Variants in CFAP47 observed in about 807,000 individuals in gnomAD.
CFAP47 encodes the protein cilia and flagella associated protein 47.
A neutral mutation model predicts 148.1 loss-of-function variants in CFAP47; 29 were observed. The ratio of observed to expected loss-of-function variants is 0.20; its 90% confidence interval spans 0.15 to 0.27. The LOEUF is 0.27. Ranked by LOEUF, CFAP47 falls within the 10% of genes least tolerant of loss-of-function variation. CFAP47 has a pLI of 1.00. For synonymous variants in CFAP47, 664 were observed against 577.3 expected (o/e 1.15, Z -2.15); for missense variants, 1,872 against 1,697.5 (o/e 1.10, Z -1.81).
intron 62 of CFAP47, among the ~76,000 whole-genome samples, chrX:36,378,810 G>C (rs1942048499): frequency 9.2e-6 from 1 of 109,167 alleles, no homozygotes. Flanking sequence ...CAAATTGCTG[G>C]AATTACAGAC....
intron 49 of CFAP47, among the ~76,000 whole-genome samples, chrX:36,261,378 G>C (rs1940820152): frequency 1.0e-5 from 1 of 96,711 alleles, no homozygotes; most frequent in East Asian, 3.2e-4. Flanking sequence ...TCGGAGAGGG[G>C]GACTTGGCAG....
chrX:36,176,054 C>G (rs1170822320), intron 39 of CFAP47, among the ~76,000 whole-genome samples: 1 of 112,460 alleles, frequency 8.9e-6, no homozygotes, highest in Non-Finnish European at 1.9e-5. Context: ...GTGGGAGTGA[C>G]CCGATTTTCC....
At chrX:35,933,113 TA>T (rs1443037062) in intron 2 of CFAP47, among the ~76,000 whole-genome samples, 1 of 111,871 alleles carries the variant, frequency 8.9e-6, no homozygotes, top group Non-Finnish European at 1.9e-5. Context: ...ACAATTAAAT[TA>T]TTTTTTACTG....
Position 36,140,065 on chromosome X carries a change from C to T in CFAP47, c.5535+1601C>T, listed in dbSNP as rs73472833. 4.9e-3 allele frequency among the ~76,000 whole-genome samples: 547 copies of T among 111,314 alleles called. 5 individuals are homozygous for T. The highest frequency in any genetic ancestry group is 0.017 in the African/African-American group (510 of 30,652). ...CCATAAATTCAACAAATTATTTAAC[C>T]TCCCTCATGAAAGACACTGGATACA... On this transcript the variant is annotated intron_variant, in intron 35 of 63. Transcript: ENST00000378653.
In CFAP47 at chrX:35,975,590, A is replaced by G; in HGVS notation, c.2472-82A>G. On this transcript the variant is annotated intron_variant, in intron 14 of 63. Transcript: ENST00000378653. ...AGAATTGTGGATGTTAATCAATGCT[A>G]TGTGCATTTTACGTGTAGCTGAATT... The G allele has an allele frequency of 3.1e-6, 3 of 982,280 alleles. No individual in the cohort carries two copies. The South Asian group carries it at 6.3e-5, about 21-fold the overall frequency. The allele number at this position is 982,280 out of a possible 1,213,427, so 81.0% of individuals were successfully genotyped here. A position where few individuals can be genotyped will look rare whatever the true frequency, so the allele number is the denominator to read the frequency against.
intron 45 of CFAP47, chrX:36,211,667 A>C (rs1300330693): frequency 5.1e-6 from 1 of 196,098 alleles, no homozygotes; most frequent in African/African-American, 3.1e-5. Flanking sequence ...TAAGAAAAAG[A>C]AAGAAGAGGA....
At chrX:36,123,192 G>A (rs942793940) in intron 33 of CFAP47, among the ~76,000 whole-genome samples, 2 of 112,107 alleles carry the variant, frequency 1.8e-5, no homozygotes, top group African/African-American at 3.2e-5. Flanking sequence ...TGAAGCTAAG[G>A]GTGTAGTGAC....
chrX:36,364,438 TAATAAATA>T (rs56972655), intron 61 of CFAP47, among the ~76,000 whole-genome samples: 13,235 of 98,965 alleles, frequency 0.13, 1,432 homozygotes, highest in African/African-American at 0.33. Flanking sequence ...CAGATTGTCC[TAATAAATA>T]AATAAATAAA....
At chrX:36,070,832 A>T (rs938612044) in intron 27 of CFAP47, among the ~76,000 whole-genome samples, 6 of 111,856 alleles carry the variant, frequency 5.4e-5, no homozygotes, top group African/African-American at 2.0e-4. Flanking sequence ...CCAGTGTGCC[A>T]TGTCAATTTA....
At chrX:35,945,270 AATT>A (rs1434137838) in intron 3 of CFAP47, among the ~76,000 whole-genome samples, 1 of 111,734 alleles carries the variant, frequency 8.9e-6, no homozygotes, top group Admixed American at 9.6e-5. Flanking sequence ...TTTATGTTAT[AATT>A]ATTATTTTTC....
At chrX:36,322,470 C>T (rs1381649783) in intron 57 of CFAP47, among the ~76,000 whole-genome samples, 2 of 110,035 alleles carry the variant, frequency 1.8e-5, no homozygotes, top group East Asian at 5.7e-4. Flanking sequence ...TTATGACTGC[C>T]GATAAAATCT....
chrX:36,121,628 CA>C (rs1339261613), intron 33 of CFAP47, among the ~76,000 whole-genome samples: 5 of 111,323 alleles, frequency 4.5e-5, no homozygotes, highest in African/African-American at 1.6e-4. Flanking sequence ...GTTGCCTAAA[CA>C]AACAAACAAG....
intron 48 of CFAP47, among the ~76,000 whole-genome samples, chrX:36,238,768 T>A (rs1005098820): frequency 8.9e-6 from 1 of 112,029 alleles, no homozygotes; most frequent in Non-Finnish European, 1.9e-5. Context: ...ATCAAAAGCA[T>A]CCTTATTTCT....
chrX:36,066,751 T>G (rs1004384303), intron 27 of CFAP47, among the ~76,000 whole-genome samples: 1 of 111,838 alleles, frequency 8.9e-6, no homozygotes, highest in African/African-American at 3.3e-5. Context: ...GAGACTGTAT[T>G]TTCCCAGTGG....
At chrX:36,321,290 C>A (rs1481958116) in intron 57 of CFAP47, among the ~76,000 whole-genome samples, 9 of 111,381 alleles carry the variant, frequency 8.1e-5, no homozygotes, top group African/African-American at 2.6e-4. Flanking sequence ...CTCATGTTCT[C>A]ACTTATTTGT....
chrX:36,132,574 A>G (rs1938968001), intron 33 of CFAP47, among the ~76,000 whole-genome samples: 1 of 111,750 alleles, frequency 8.9e-6, no homozygotes, highest in Admixed American at 9.5e-5. Flanking sequence ...CAAAGGAACT[A>G]TCATAAAAGT....
chrX:35,941,309 T>C lies in CFAP47; in HGVS notation c.428T>C (p.Ile143Thr), dbSNP rs1936005062. 2.6e-6 allele frequency: 3 copies of C among 1,168,496 alleles called. No individual in the cohort carries two copies. The highest frequency in any genetic ancestry group is 6.3e-5 in the East Asian group (2 of 31,950). The change falls in exon 3 of 64, where the codon ATT becomes ACT. Residue 143 changes from isoleucine (I) to threonine (T), a missense_variant. Transcript: ENST00000378653. ...TTGATTCCATCCTGTCAATTGGAAA[T>C]TGAATCAGTAGTTAATTTTGGCACA... ...IGLIPSCQLEIESVVNFGTLV... is the reference protein window; with the variant it reads ...IGLIPSCQLETESVVNFGTLV...
At chrX:36,237,002 C>G (rs1264447872) in intron 48 of CFAP47, 143 bp downstream of exon 48, 4 of 374,118 alleles carry the variant, frequency 1.1e-5, no homozygotes, top group African/African-American at 8.0e-5. Context: ...TACAATCCTA[C>G]CTATTATTAG....
chrX:36,048,798 A>G (rs1284038268), intron 26 of CFAP47, among the ~76,000 whole-genome samples: 1 of 112,005 alleles, frequency 8.9e-6, no homozygotes, highest in Non-Finnish European at 1.9e-5. Flanking sequence ...CTAAATATAT[A>G]TCTGTGTGAG....
Sources: allele counts gnomAD v4.1 joint callset (sites outside exome capture counted in the v4.1 genomes callset), GRCh38; gene constraint gnomAD v4.1.1; transcripts MANE v1.5; gene names NCBI Gene and HGNC (gene_info 2026-07-23, HGNC 2026-07-21).